TMEM164: variants seen among roughly 807,000 people sequenced by gnomAD.
TMEM164 encodes the protein RP13-360B22.2.
A neutral mutation model predicts 18.8 loss-of-function variants in TMEM164; 4 were observed. That is an observed-to-expected ratio of 0.21 (90% CI 0.10 to 0.49). TMEM164 has a LOEUF of 0.49. TMEM164 is among the 20% of genes least tolerant of loss of function. The pLI, the probability that TMEM164 is intolerant of heterozygous loss-of-function variation, is 0.98. For synonymous variants in TMEM164, 86 were observed against 101.7 expected, an observed-to-expected ratio of 0.85 and a Z score of 0.93; for missense variants, 108 against 239.9, an observed-to-expected ratio of 0.45 and a Z score of 3.63.
intron 4 of TMEM164, among the ~76,000 whole-genome samples, chrX:110,138,687 C>G (rs1390639036): frequency 8.9e-6 from 1 of 112,347 alleles, no homozygotes; most frequent in African/African-American, 3.2e-5. Flanking sequence ...GCATCAAATA[C>G]TGTTGATGGA....
chrX:110,067,329 ATTC>A lies in TMEM164; in HGVS notation c.391-11_391-9del, dbSNP rs1314803020. The A allele has an allele frequency of 8.3e-7, 1 of 1,207,060 alleles. No homozygotes were observed. The highest frequency in any genetic ancestry group is 1.1e-6 in the Non-Finnish European group (1 of 892,632). On this transcript the variant is annotated splice_polypyrimidine_tract_variant and intron_variant, in intron 2 of 6. Coordinates refer to ENST00000372068, the MANE Select transcript of TMEM164 (RefSeq NM_032227.4). The stretch of plus-strand genomic sequence containing the variant: ...CATTTTTTCTTGCTAACCATTCTTA[ATTC>A]TTCTTCAATTGCAGATCTTTCTCCT...
chrX:110,004,210 A>C, intron 2 of TMEM164, 46 bp downstream of exon 2: 1 of 1,155,594 alleles, frequency 8.7e-7, no homozygotes, highest in Non-Finnish European at 1.2e-6. Flanking sequence ...GATAAGAGTC[A>C]TTTATGTGCT....
intron 5 of TMEM164, among the ~76,000 whole-genome samples, chrX:110,168,215 G>A (rs1374421854): frequency 1.8e-5 from 2 of 113,032 alleles, no homozygotes; most frequent in Non-Finnish European, 3.7e-5. Context: ...CGCAGCCAGG[G>A]TGACAACACG....
chrX:110,048,872 C>G (rs1935426652), intron 2 of TMEM164, among the ~76,000 whole-genome samples: 1 of 111,300 alleles, frequency 9.0e-6, no homozygotes, highest in Non-Finnish European at 1.9e-5. Flanking sequence ...CATGGCGCTG[C>G]TTACGGAATT....
intron 2 of TMEM164, among the ~76,000 whole-genome samples, chrX:110,063,093 T>TA (rs1222126787): frequency 9.0e-6 from 1 of 111,553 alleles, no homozygotes; most frequent in Non-Finnish European, 1.9e-5. Flanking sequence ...CCCAGATAGC[T>TA]ATGTGCCATC....
chrX:110,180,217 G>A (rs989604564), downstream of TMEM164, among the ~76,000 whole-genome samples: 2 of 112,303 alleles, frequency 1.8e-5, no homozygotes, highest in African/African-American at 6.5e-5. Context: ...GGCACACAGA[G>A]TTGGTGTCTG....
rs1039731884 is a variant in TMEM164 at position 110,069,929 on chromosome X, T to C, written c.440+2533T>C. 5.3e-5 allele frequency among the ~76,000 whole-genome samples: 6 copies of C among 112,193 alleles called. No homozygotes were observed. The Admixed American group carries it at 5.7e-4, about 11-fold the overall frequency. ...TGCAGCTATTAAATGTTTTATATGC[T>C]AGGATCTACTTATGGATTCTCTATT... On this transcript the variant is annotated intron_variant, in intron 3 of 6. Transcript: ENST00000372068.
intron 5 of TMEM164, among the ~76,000 whole-genome samples, chrX:110,152,790 T>C (rs746344653): frequency 1.8e-5 from 2 of 111,618 alleles, no homozygotes; most frequent in East Asian, 5.6e-4. Context: ...ATGATGATAA[T>C]TGGCTCTGTG....
intron 4 of TMEM164, among the ~76,000 whole-genome samples, chrX:110,136,628 G>A (rs1012064183): frequency 1.8e-5 from 2 of 111,478 alleles, no homozygotes; most frequent in Non-Finnish European, 3.8e-5. Context: ...CCTGAGGTAT[G>A]GTGTGAGCTC....
intron 3 of TMEM164, among the ~76,000 whole-genome samples, chrX:110,102,423 T>C (rs2066126487): frequency 8.9e-6 from 1 of 112,052 alleles, no homozygotes. Context: ...TAATTTCCTT[T>C]GAGAATTCCT....
intron 4 of TMEM164, among the ~76,000 whole-genome samples, chrX:110,125,999 A>T (rs999497183): frequency 4.4e-5 from 5 of 112,410 alleles, no homozygotes; most frequent in African/African-American, 1.6e-4. Context: ...ATTTCTGGGA[A>T]TTGTAAATTA....
At chrX:110,026,842 G>C (rs1934217237) in intron 2 of TMEM164, among the ~76,000 whole-genome samples, 1 of 111,420 alleles carries the variant, frequency 9.0e-6, no homozygotes, top group Admixed American at 9.6e-5. Flanking sequence ...TGTAACTGCT[G>C]GTCTTTAGAA....
At chrX:110,024,319 C>T (rs995587890) in intron 2 of TMEM164, among the ~76,000 whole-genome samples, 1 of 111,262 alleles carries the variant, frequency 9.0e-6, no homozygotes, top group Middle Eastern at 4.6e-3. Context: ...GGGTCTTGTT[C>T]TATCACTCAG....
intron 5 of TMEM164, among the ~76,000 whole-genome samples, chrX:110,147,894 C>T (rs1265368617): frequency 9.1e-6 from 1 of 109,675 alleles, no homozygotes; most frequent in African/African-American, 3.3e-5. Context: ...CCCAAATCTC[C>T]ACTCCTTTCC....
intron 2 of TMEM164, among the ~76,000 whole-genome samples, chrX:110,017,238 C>T (rs1017593091): frequency 8.9e-6 from 1 of 111,960 alleles, no homozygotes; most frequent in African/African-American, 3.2e-5. Context: ...CAATATCTCT[C>T]TATAATACCA....
chrX:110,151,423 A>G (rs7886222), intron 5 of TMEM164, among the ~76,000 whole-genome samples: 5,676 of 111,639 alleles, frequency 0.051, 365 homozygotes, highest in African/African-American at 0.18. Flanking sequence ...AAAAAAAGGT[A>G]TATCAGTTCG....
chrX:110,066,916 C>T (rs780043013), intron 2 of TMEM164, among the ~76,000 whole-genome samples: 1 of 111,565 alleles, frequency 9.0e-6, no homozygotes, highest in Non-Finnish European at 1.9e-5. Context: ...ATCTGCAATT[C>T]GAATGTAACT....
In TMEM164 at chrX:110,034,308, G is replaced by C. The variant is rs150520072; in HGVS notation, c.390+30144G>C. On this transcript the variant is annotated intron_variant, in intron 2 of 6. Coordinates refer to ENST00000372068, the MANE Select transcript of TMEM164 (RefSeq NM_032227.4). ...CCAGAATTGGTGAGCTGTTCCTTAA[G>C]GCTCTTCATGATGTGGAAATAGACC... 2.4e-3 allele frequency among the ~76,000 whole-genome samples: 275 copies of C among 112,246 alleles called. 1 individual carries two copies. The highest frequency in any genetic ancestry group is 8.6e-3 in the African/African-American group (266 of 30,884).
At chrX:110,104,815 G>A (rs2066162871) in intron 3 of TMEM164, among the ~76,000 whole-genome samples, 1 of 111,574 alleles carries the variant, frequency 9.0e-6, no homozygotes, top group Non-Finnish European at 1.9e-5. Flanking sequence ...TAACTTTAGA[G>A]GAGTTAAAAG....
Sources: gnomAD v4.1 joint callset for allele counts (sites outside exome capture counted in the v4.1 genomes callset) on GRCh38, gnomAD v4.1.1 for gene constraint, MANE v1.5 for transcripts, NCBI Gene and HGNC (gene_info 2026-07-23, HGNC 2026-07-21) for gene names.